The following NDRG1 variants were observed in gnomAD, a reference collection of about 807,000 sequenced individuals.
NDRG1 encodes protein NDRG1.
Under a neutral mutation model 56.9 loss-of-function variants are expected in NDRG1, and 32 were observed. That is an observed-to-expected ratio of 0.56 (90% CI 0.42 to 0.76). The LOEUF is 0.76. Among genes scored for constraint, NDRG1 ranks in the 30% least tolerant of loss-of-function variants. The probability of loss-of-function intolerance (pLI) is 0.00; values close to 1 mark genes in which losing one functional copy is unlikely to be tolerated. For synonymous variants in NDRG1, 211 were observed against 204.1 expected (o/e 1.03, Z -0.29); for missense variants, 507 against 545.7 (o/e 0.93, Z 0.71).
At chr8:133,245,559 G>A (rs1365841962) in intron 13 of NDRG1, among the ~76,000 whole-genome samples, 1 of 152,116 alleles carries the variant, frequency 6.6e-6, no homozygotes, top group Non-Finnish European at 1.5e-5. Flanking sequence ...GGAGTGATGT[G>A]TCTACTAGCT....
intron 8 of NDRG1, 99 bp downstream of exon 8, chr8:133,256,678 G>C: frequency 8.6e-7 from 1 of 1,158,366 alleles, no homozygotes; most frequent in Non-Finnish European, 1.3e-6. Context: ...AGTGGGTAAA[G>C]AGAGAGCTCG....
chr8:133,295,354 C>G (rs565753438), intron 1 of NDRG1, among the ~76,000 whole-genome samples: 1 of 152,218 alleles, frequency 6.6e-6, no homozygotes. Flanking sequence ...GTGGGAGACA[C>G]GGTCCCACAA....
chr8:133,266,551 G>A (rs917624764), intron 3 of NDRG1, among the ~76,000 whole-genome samples: 1 of 152,166 alleles, frequency 6.6e-6, no homozygotes, highest in Admixed American at 6.5e-5. Context: ...TCCTAGAGGT[G>A]CTGAAGGCCC....
intron 1 of NDRG1, among the ~76,000 whole-genome samples, chr8:133,296,271 G>A (rs1858751517): frequency 6.6e-6 from 1 of 151,908 alleles, no homozygotes; most frequent in South Asian, 2.1e-4. Flanking sequence ...AGCGGGGGAG[G>A]GTGGGCGGAG....
chr8:133,287,279 C>T (rs192097423), intron 1 of NDRG1, among the ~76,000 whole-genome samples: 120 of 152,312 alleles, frequency 7.9e-4, no homozygotes, highest in African/African-American at 2.4e-3. Flanking sequence ...TACAATCTGC[C>T]CACTCCCAGC....
At chr8:133,276,171 G>C (rs1857446376) in intron 3 of NDRG1, among the ~76,000 whole-genome samples, 2 of 152,234 alleles carry the variant, frequency 1.3e-5, no homozygotes, top group East Asian at 1.9e-4. Flanking sequence ...TCTCTGTGTG[G>C]CCCCCACTTT....
rs1458380202 is a variant in NDRG1, at chr8:133,280,253, G to A, written c.78C>T (p.Leu26=). 1.9e-6 allele frequency: 3 copies of A among 1,613,996 alleles called. No individual in the cohort carries two copies. The highest frequency in any genetic ancestry group is 3.3e-5 in the Admixed American group (2 of 60,000). The change falls in exon 3 of 16, where the codon CTC becomes CTT. Residue 26 remains leucine (L), a synonymous_variant. Coordinates refer to ENST00000323851, the MANE Select transcript of NDRG1 (RefSeq NM_006096.4). ...TTGCCTGGACATCAAACTCTTGCAG[G>A]AGGCCGGTGATGGTCTGTGAAAAGA... The part of the protein sequence containing the change: ...LVEKGETITG[L]LQEFDVQEQD...
chr8:133,270,233 G>A (rs1857124577), intron 3 of NDRG1, among the ~76,000 whole-genome samples: 1 of 152,206 alleles, frequency 6.6e-6, no homozygotes, highest in Admixed American at 6.5e-5. Context: ...GGTCTACACC[G>A]CCTGGAAGCT....
intron 9 of NDRG1, 127 bp from the exon 10 acceptor site, chr8:133,250,670 G>T (rs1448547421): frequency 3.6e-6 from 3 of 831,286 alleles, no homozygotes; most frequent in Admixed American, 2.1e-5. Flanking sequence ...ACAAGACAGC[G>T]ACGGACCTAA....
chr8:133,284,620 A>G, intron 1 of NDRG1: 1 of 489,480 alleles, frequency 2.0e-6, no homozygotes, highest in South Asian at 1.9e-5. Flanking sequence ...ACAGGTCCCC[A>G]TACCAAGTTC....
At chr8:133,246,803 G>C in intron 12 of NDRG1, 140 bp from the exon 13 acceptor site, 2 of 811,080 alleles carry the variant, frequency 2.5e-6, no homozygotes, top group South Asian at 1.5e-5. Context: ...GGAGTTATTG[G>C]GATTCAGCAG....
At chr8:133,247,107 C>T (rs1209708070) in intron 12 of NDRG1, among the ~76,000 whole-genome samples, 2 of 152,180 alleles carry the variant, frequency 1.3e-5, no homozygotes, top group African/African-American at 4.8e-5. Flanking sequence ...CAGTGAACCT[C>T]TTGAAAGGGG....
At chr8:133,241,758 G>T in intron 15 of NDRG1, 1 of 572,420 alleles carries the variant, frequency 1.7e-6, no homozygotes, top group Non-Finnish European at 3.1e-6. Flanking sequence ...GTGCTTAAAG[G>T]GACAGTCCTC....
At chr8:133,293,348 G>C (rs1034597979) in intron 1 of NDRG1, among the ~76,000 whole-genome samples, 1 of 152,194 alleles carries the variant, frequency 6.6e-6, no homozygotes, top group African/African-American at 2.4e-5. Context: ...CAGGAAACAA[G>C]CTCCTTCTCA....
At chr8:133,289,534 C>T (rs912864347) in intron 1 of NDRG1, among the ~76,000 whole-genome samples, 3 of 152,108 alleles carry the variant, frequency 2.0e-5, no homozygotes, top group Admixed American at 1.3e-4. Context: ...CACTGTCTGT[C>T]AATGAGTAAT....
chr8:133,282,789 T>C (rs1857886642), intron 2 of NDRG1, among the ~76,000 whole-genome samples: 1 of 152,226 alleles, frequency 6.6e-6, no homozygotes, highest in South Asian at 2.1e-4. Flanking sequence ...TGGCCTTCAA[T>C]GCCTAAGATA....
At chr8:133,283,920 C>T (rs1363502717) in intron 2 of NDRG1, among the ~76,000 whole-genome samples, 2 of 152,180 alleles carry the variant, frequency 1.3e-5, no homozygotes, top group East Asian at 1.9e-4. Flanking sequence ...ACCTCTGGTT[C>T]GATGTCTTCA....
At chr8:133,269,003 C>T (rs774204039) in intron 3 of NDRG1, among the ~76,000 whole-genome samples, 11 of 152,196 alleles carry the variant, frequency 7.2e-5, no homozygotes, top group Non-Finnish European at 1.6e-4. Context: ...GGCCTTTGTC[C>T]TATTCAGTCC....
At chr8:133,262,193 AGAG>A in intron 4 of NDRG1, 26 bp from the exon 5 acceptor site, 1 of 1,613,936 alleles carries the variant, frequency 6.2e-7, no homozygotes, top group South Asian at 1.1e-5. Context: ...GAGGGAGAGA[AGAG>A]AAAAAAGTAA....
Sources: gnomAD v4.1 joint callset for allele counts (sites outside exome capture counted in the v4.1 genomes callset) on GRCh38, gnomAD v4.1.1 for gene constraint, MANE v1.5 for transcripts, NCBI Gene and HGNC (gene_info 2026-07-23, HGNC 2026-07-21) for gene names.